Variants in PLCB1 observed in about 807,000 individuals in gnomAD.
PLCB1 encodes 1-phosphatidylinositol 4,5-bisphosphate phosphodiesterase beta-1.
Under a neutral mutation model 161.8 loss-of-function variants are expected in PLCB1, and 46 were observed. The ratio of observed to expected loss-of-function variants is 0.28; its 90% CI spans 0.22 to 0.36. The LOEUF is 0.36. Among genes scored for constraint, PLCB1 ranks in the 10% least tolerant of loss-of-function variants. The pLI is 1.00. For missense variants in PLCB1, 1,016 were observed against 1,472.5 expected, an observed-to-expected ratio of 0.69 and a Z score of 5.07; for synonymous variants, 517 against 503.7, an observed-to-expected ratio of 1.03 and a Z score of -0.35.
rs967197393 is a variant in PLCB1 at position 8,883,901 on chromosome 20, G to A, written c.*2052G>A. The A allele has an allele frequency of 2.0e-5, 3 of 152,464 alleles. No homozygotes were observed. Among genetic ancestry groups the A allele is most frequent in the East Asian group, 1.9e-4 (1 of 5,194 alleles). The allele number at this position is 152,464 out of a possible 1,614,324, so 9.4% of individuals were successfully genotyped here. On this transcript the variant is annotated 3_prime_UTR_variant, in exon 32 of 32. Coordinates refer to ENST00000338037, the MANE Select transcript of PLCB1 (RefSeq NM_015192.4). ...TAAAGAAGCAAGAATGGTCAAAATC[G>A]AATGCTGCATTTTTATAAACAAAAT...
intron 31 of PLCB1, among the ~76,000 whole-genome samples, chr20:8,842,609 T>G (rs1242004998): frequency 6.6e-6 from 1 of 152,184 alleles, no homozygotes; most frequent in Admixed American, 6.5e-5. Context: ...GGCAGACTTA[T>G]GTCTCCAAAA....
intron 31 of PLCB1, among the ~76,000 whole-genome samples, chr20:8,858,622 A>G (rs17380559): frequency 0.15 from 22,662 of 152,038 alleles, 1,787 homozygotes; most frequent in South Asian, 0.23. Context: ...GGTCACTTCC[A>G]CTGATGGGTT....
intron 1 of PLCB1, among the ~76,000 whole-genome samples, chr20:8,138,207 C>T (rs1386971464): frequency 6.6e-6 from 1 of 152,188 alleles, no homozygotes; most frequent in African/African-American, 2.4e-5. Flanking sequence ...GGATAATTTG[C>T]AGTGGCTATT....
At position 8,841,815 on chromosome 20, in the gene PLCB1, A is replaced by G. The variant is rs530101188; in HGVS notation, c.3424-39807A>G. Among the ~76,000 whole-genome samples, 3 of 152,332 alleles carry G rather than the reference A, an allele frequency of 2.0e-5. No individual in the cohort carries two copies. The East Asian group carries it at 5.8e-4, about 29-fold the overall frequency. Reference sequence around the variant, plus strand: ...TAAGTTCTCAATGGACTCTGAGCGCATATCCTTGATGTGTGATTCACACCT... The same window carrying G: ...TAAGTTCTCAATGGACTCTGAGCGCGTATCCTTGATGTGTGATTCACACCT... On this transcript the variant is annotated intron_variant, in intron 31 of 31. Coordinates refer to ENST00000338037, the MANE Select transcript of PLCB1 (RefSeq NM_015192.4).
chr20:8,466,511 C>G (rs1981832146), intron 3 of PLCB1, among the ~76,000 whole-genome samples: 2 of 152,028 alleles, frequency 1.3e-5, no homozygotes, highest in Admixed American at 1.3e-4. Flanking sequence ...TACAGGGAAT[C>G]TAGGCTGGCA....
At chr20:8,331,563 T>TA (rs1344244503) in intron 2 of PLCB1, among the ~76,000 whole-genome samples, 2 of 152,200 alleles carry the variant, frequency 1.3e-5, no homozygotes, top group Non-Finnish European at 2.9e-5. Flanking sequence ...TGACAGAAGT[T>TA]ACTGAAGCAT....
At chr20:8,632,831 A>G (rs1253374724) in intron 4 of PLCB1, among the ~76,000 whole-genome samples, 1 of 152,170 alleles carries the variant, frequency 6.6e-6, no homozygotes, top group African/African-American at 2.4e-5. Context: ...TGAGGAGGCA[A>G]CTGCAACTGA....
chr20:8,717,751 G>T lies in PLCB1; in HGVS notation c.1416G>T (p.Lys472Asn), dbSNP rs201789409. Residue 472 changes from lysine (K) to asparagine (N), a missense_variant, in exon 14 of 32, where the codon AAG (lysine) becomes AAT (asparagine). Transcript: ENST00000338037. ...TGAAAAATAAGAAGAAATCACACAA[G>T]TCATCAGAAGGAAGCGGCAAAAAGA... is the stretch of plus-strand genomic sequence containing the variant. ...ILVKNKKKSHKSSEGSGKKKL... is the reference protein window; with the variant it reads ...ILVKNKKKSHNSSEGSGKKKL... The T allele has an allele frequency of 6.2e-7, 1 of 1,613,706 alleles. No homozygotes were observed. The highest frequency in any genetic ancestry group is 2.2e-5 in the East Asian group (1 of 44,850).
At chr20:8,233,649 T>A (rs1272700045) in intron 2 of PLCB1, among the ~76,000 whole-genome samples, 1 of 152,144 alleles carries the variant, frequency 6.6e-6, no homozygotes, top group African/African-American at 2.4e-5. Context: ...AGCAGTCTGA[T>A]AACCACATTA....
chr20:8,850,870 G>A (rs532995410), intron 31 of PLCB1, among the ~76,000 whole-genome samples: 20 of 152,288 alleles, frequency 1.3e-4, no homozygotes, highest in African/African-American at 3.6e-4. Context: ...GGAATGAACC[G>A]AGACAGCAGC....
chr20:8,418,242 A>G (rs1979387345), intron 3 of PLCB1, among the ~76,000 whole-genome samples: 2 of 152,234 alleles, frequency 1.3e-5, no homozygotes, highest in Non-Finnish European at 2.9e-5. Context: ...GGACTTCAAC[A>G]GTTCCCTCAG....
intron 2 of PLCB1, among the ~76,000 whole-genome samples, chr20:8,221,024 T>C (rs1269672085): frequency 6.6e-6 from 1 of 152,174 alleles, no homozygotes; most frequent in African/African-American, 2.4e-5. Flanking sequence ...AATCTTCCAC[T>C]TCCCACCTGT....
chr20:8,591,697 G>C (rs748585194), intron 3 of PLCB1, among the ~76,000 whole-genome samples: 39 of 152,180 alleles, frequency 2.6e-4, no homozygotes, highest in Non-Finnish European at 5.0e-4. Flanking sequence ...ATTTCCACCT[G>C]AGAAGCATTT....
intron 22 of PLCB1, 97 bp from the exon 23 acceptor site, chr20:8,741,367 T>A (rs1980869997): frequency 1.3e-6 from 1 of 760,440 alleles, no homozygotes; most frequent in African/African-American, 1.7e-5. Flanking sequence ...GATGAATGAA[T>A]GCATGGACTG....
At chr20:8,484,956 T>A (rs1325028726) in intron 3 of PLCB1, among the ~76,000 whole-genome samples, 1 of 152,168 alleles carries the variant, frequency 6.6e-6, no homozygotes, top group Non-Finnish European at 1.5e-5. Context: ...TCTTAGGAAC[T>A]TGCTATGTGG....
intron 31 of PLCB1, among the ~76,000 whole-genome samples, chr20:8,866,206 G>A (rs1252073732): frequency 1.3e-5 from 2 of 152,226 alleles, no homozygotes; most frequent in Non-Finnish European, 2.9e-5. Flanking sequence ...TGGGAAAAGA[G>A]GGAGATGTCC....
intron 2 of PLCB1, among the ~76,000 whole-genome samples, chr20:8,344,309 G>T (rs1350687449): frequency 6.6e-6 from 1 of 152,110 alleles, no homozygotes; most frequent in African/African-American, 2.4e-5. Context: ...GGGTTTGTTT[G>T]GTCTCGCAGT....
intron 2 of PLCB1, among the ~76,000 whole-genome samples, chr20:8,168,133 C>T (rs2051693933): frequency 6.6e-6 from 1 of 152,144 alleles, no homozygotes; most frequent in Non-Finnish European, 1.5e-5. Flanking sequence ...GCCATACTGG[C>T]ACTTCTGCCA....
At chr20:8,206,849 A>C (rs575146042) in intron 2 of PLCB1, among the ~76,000 whole-genome samples, 5 of 152,114 alleles carry the variant, frequency 3.3e-5, no homozygotes, top group Non-Finnish European at 7.4e-5. Flanking sequence ...TCAAATGATA[A>C]AAAGTTTCAA....
Sources: allele counts gnomAD v4.1 joint callset (sites outside exome capture counted in the v4.1 genomes callset), GRCh38; gene constraint gnomAD v4.1.1; transcripts MANE v1.5; gene names NCBI Gene and HGNC (gene_info 2026-07-23, HGNC 2026-07-21).